The following PIGN variants were observed in gnomAD, a reference collection of about 807,000 sequenced individuals.
The protein encoded by PIGN is GPI ethanolamine phosphate transferase 1.
In PIGN, 117 loss-of-function variants were observed where a neutral mutation model predicts 125.4. That is an observed-to-expected ratio of 0.93 (90% confidence interval 0.80 to 1.09). The LOEUF (loss-of-function observed/expected upper bound fraction) is 1.09. PIGN is among the 50% of genes least tolerant of loss of function. The probability of loss-of-function intolerance (pLI) is 0.00; values close to 1 mark genes in which losing one functional copy is unlikely to be tolerated. For synonymous variants in PIGN, 392 were observed against 377.8 expected (o/e 1.04, Z -0.44); for missense variants, 1,075 against 1,094.9 (o/e 0.98, Z 0.26).
chr18:62,080,014 C>T (rs2145865562), intron 28 of PIGN, among the ~76,000 whole-genome samples: 1 of 152,168 alleles, frequency 6.6e-6, no homozygotes, highest in Middle Eastern at 3.4e-3. Context: ...ATAAAAATAT[C>T]CATCAGAACA....
chr18:62,037,601 T>G (rs554944881), downstream of PIGN, among the ~76,000 whole-genome samples: 1 of 152,366 alleles, frequency 6.6e-6, no homozygotes, highest in South Asian at 2.1e-4. Context: ...CCATGCTCTG[T>G]GTTCCTCTGC....
intron 10 of PIGN, 51 bp downstream of exon 10, chr18:62,145,858 G>T: frequency 2.2e-6 from 2 of 889,872 alleles, no homozygotes; most frequent in South Asian, 3.1e-5. Context: ...TTTAAACTTT[G>T]TTCTTATTTT....
chr18:62,088,903 A>T, intron 24 of PIGN, 61 bp from the exon 25 acceptor site: 1 of 948,378 alleles, frequency 1.1e-6, no homozygotes. Context: ...CTATATTTGA[A>T]GGCAAACTTA....
At chr18:62,020,804 A>C (rs940657889) in intron 23 of PIGN, among the ~76,000 whole-genome samples, 3 of 151,440 alleles carry the variant, frequency 2.0e-5, no homozygotes, top group Non-Finnish European at 4.4e-5. Context: ...TTAAAAAAAA[A>C]AAAAAAATTA....
intron 14 of PIGN, chr18:62,137,244 G>A (rs941734470): frequency 7.4e-5 from 30 of 406,410 alleles, no homozygotes; most frequent in Admixed American, 1.3e-4. Flanking sequence ...TAGACTCTTG[G>A]ACTTACACCA....
At chr18:62,143,234 T>G in intron 11 of PIGN, 72 bp downstream of exon 11, 1 of 771,098 alleles carries the variant, frequency 1.3e-6, no homozygotes, top group Non-Finnish European at 2.2e-6. Flanking sequence ...TTATCTCTTT[T>G]TCATAGTTTT....
Position 62,041,643 on chromosome 18 carries a change from GTGTGTGTGTGTGTGTGTGTGTGTGTGTGT to G in PIGN, c.*4184_*4212del, listed in dbSNP as rs2030381750. 5.1e-5 allele frequency: 3 copies of G among 59,052 alleles called. No homozygotes were observed. The highest frequency in any genetic ancestry group is 1.0e-4 in the Non-Finnish European group (3 of 30,034). The allele number at this position is 59,052 out of a possible 1,614,324, so 3.7% of individuals were successfully genotyped here. A position where few individuals can be genotyped will look rare whatever the true frequency, so the allele number is the denominator to read the frequency against. Reference sequence around the variant, plus strand: ...ACAGGAGCCTACCACCCCGCCGGGTGTGTGTGTGTGTGTGTGTGTGTGTGTGTGTGTGTGTGTGTGTGTGTGTGTGTGTG... The same window carrying G: ...ACAGGAGCCTACCACCCCGCCGGGTGGTGTGTGTGTGTGTGTGTGTGTGTG... On this transcript the variant is annotated 3_prime_UTR_variant, in exon 31 of 31. Transcript: ENST00000640252.
intron 23 of PIGN, among the ~76,000 whole-genome samples, chr18:62,033,410 G>GTC (rs1326469395): frequency 6.6e-6 from 1 of 152,158 alleles, no homozygotes; most frequent in African/African-American, 2.4e-5. Context: ...GTTTGACTTG[G>GTC]GTGAGTTAAC....
chr18:62,129,714 G>A (rs1000759604), intron 14 of PIGN, among the ~76,000 whole-genome samples: 1 of 152,144 alleles, frequency 6.6e-6, no homozygotes, highest in African/African-American at 2.4e-5. Context: ...TAGTGCCTGG[G>A]ACACAGTAGG....
chr18:62,027,031 C>T (rs899331107), intron 23 of PIGN, among the ~76,000 whole-genome samples: 2 of 152,086 alleles, frequency 1.3e-5, no homozygotes, highest in Non-Finnish European at 2.9e-5. Flanking sequence ...GGTGAAACCC[C>T]CTCTCTACTA....
chr18:62,157,918 AG>A, intron 4 of PIGN, 110 bp from the exon 5 acceptor site: 1 of 1,038,030 alleles, frequency 9.6e-7, no homozygotes, highest in Non-Finnish European at 1.4e-6. Flanking sequence ...AAAAAACTTA[AG>A]TCAAAACTTA....
chr18:62,072,277 C>A (rs571570659), intron 30 of PIGN: 3 of 154,402 alleles, frequency 1.9e-5, no homozygotes, highest in East Asian at 1.9e-4. Flanking sequence ...AAGTTAAGAA[C>A]CTTATAAAGT....
intron 22 of PIGN, among the ~76,000 whole-genome samples, chr18:62,097,696 T>A (rs894208842): frequency 1.3e-5 from 2 of 152,142 alleles, no homozygotes; most frequent in African/African-American, 2.4e-5. Flanking sequence ...AGAAACTGAT[T>A]TTTTCCTAAC....
intron 1 of PIGN, among the ~76,000 whole-genome samples, chr18:62,183,576 C>T (rs1178283742): frequency 6.6e-6 from 1 of 152,222 alleles, no homozygotes; most frequent in African/African-American, 2.4e-5. Flanking sequence ...AAAACTTTTA[C>T]TTCAGTTTGT....
intron 23 of PIGN, among the ~76,000 whole-genome samples, chr18:62,031,009 A>G (rs899176561): frequency 6.6e-6 from 1 of 152,172 alleles, no homozygotes; most frequent in Non-Finnish European, 1.5e-5. Flanking sequence ...ACTCTTAAAA[A>G]GTGTACACAT....
chr18:62,125,413 G>A (rs1361108434), intron 14 of PIGN, among the ~76,000 whole-genome samples: 1 of 152,002 alleles, frequency 6.6e-6, no homozygotes, highest in African/African-American at 2.4e-5. Context: ...TGGTTGCATA[G>A]TCTTTCTAGT....
At chr18:62,101,283 G>C in intron 21 of PIGN, 100 bp from the exon 22 acceptor site, 2 of 696,074 alleles carry the variant, frequency 2.9e-6, no homozygotes, top group South Asian at 3.3e-5. Flanking sequence ...ATTAAAATGT[G>C]GAAAAAATGT....
intron 30 of PIGN, among the ~76,000 whole-genome samples, chr18:62,061,761 C>T (rs1193379977): frequency 2.0e-5 from 3 of 152,192 alleles, no homozygotes; most frequent in South Asian, 4.1e-4. Context: ...AGAAACACCA[C>T]AGCTTTTCAA....
At chr18:62,113,051 G>T in intron 16 of PIGN, 83 bp downstream of exon 16, 1 of 998,460 alleles carries the variant, frequency 1.0e-6, no homozygotes, top group Non-Finnish European at 1.5e-6. Context: ...ACAATGACTT[G>T]CACATCCTAT....
Sources: gnomAD v4.1 joint callset for allele counts (sites outside exome capture counted in the v4.1 genomes callset) on GRCh38, gnomAD v4.1.1 for gene constraint, MANE v1.5 for transcripts, NCBI Gene and HGNC (gene_info 2026-07-23, HGNC 2026-07-21) for gene names.